The following NOTCH2 variants were observed in gnomAD, a reference collection of about 807,000 sequenced individuals.
NOTCH2 encodes the protein notch receptor 2.
A neutral mutation model predicts 235.8 loss-of-function variants in NOTCH2; 29 were observed. The ratio of observed to expected loss-of-function variants is 0.12; its 90% CI spans 0.09 to 0.17. The LOEUF is 0.17. NOTCH2 is among the 10% of genes least tolerant of loss of function. The pLI is 1.00. For missense variants in NOTCH2, 2,285 were observed against 3,150.2 expected, an observed-to-expected ratio of 0.73 and a Z score of 6.57; for synonymous variants, 1,086 against 1,141.5, an observed-to-expected ratio of 0.95 and a Z score of 0.98.
chr1:119,924,528 T>C (rs1439663840), intron 25 of NOTCH2, among the ~76,000 whole-genome samples: 1 of 152,198 alleles, frequency 6.6e-6, no homozygotes, highest in East Asian at 1.9e-4. Flanking sequence ...AGATATTACT[T>C]GTACAGGCTC....
At chr1:120,001,564 T>A (rs1553205385) in intron 3 of NOTCH2, among the ~76,000 whole-genome samples, 1 of 152,086 alleles carries the variant, frequency 6.6e-6, no homozygotes, top group Non-Finnish European at 1.5e-5. Context: ...AAACCAACAC[T>A]GCACCTTTGA....
rs1553198769 is a variant in NOTCH2 at position 119,959,461 on chromosome 1, G to C, written c.1957C>G (p.Pro653Ala). ...EINFDDCASN[P>A]CIHGICMDGI... ...TCCATACAGATTCCATGGATACAAG[G>C]GTTACTTGCACAGTCATCAAAATTA... The change falls in exon 12 of 34, where the codon CCT (proline) becomes GCT (alanine). Residue 653 changes from proline (P) to alanine (A), a missense_variant. Physicochemically the swap from Pro to Ala is conservative, Grantham distance 27. Around this residue, in one of 6 missense-constraint regions of NOTCH2, gnomAD observed 431 missense variants for 757.8 expected, o/e 0.57. Transcript: ENST00000256646. 6.2e-7 allele frequency: 1 copy of C among 1,610,832 alleles called. No homozygotes were observed. The highest frequency in any genetic ancestry group is 1.7e-5 in the Admixed American group (1 of 60,000).
At position 119,915,682 on chromosome 1, in the gene NOTCH2, C is replaced by T. The variant is rs201993620; in HGVS notation, c.7040G>A (p.Arg2347His). 50 of 1,612,670 alleles carry T rather than the reference C, an allele frequency of 3.1e-5. 1 individual carries two copies. The highest frequency in any genetic ancestry group is 2.9e-4 in the East Asian group (13 of 44,882). Residue 2347 changes from arginine (R) to histidine (H), a missense_variant, in exon 34 of 34, where the codon CGT becomes CAT. Transcript: ENST00000256646. ...AGTGGGGAAAGCCACACTGGGCAAA[C>T]GGGCCATTTCTGGAATCTGGTACAT... is the stretch of plus-strand genomic sequence containing the variant. ...PTMYQIPEMA[R>H]LPSVAFPTAM... is the part of the protein sequence containing the mutation.
intron 3 of NOTCH2, 44 bp from the exon 4 acceptor site, chr1:119,997,376 G>A (rs782198180): frequency 6.4e-7 from 1 of 1,555,806 alleles, no homozygotes; most frequent in African/African-American, 1.4e-5. Context: ...ACAGAAATAG[G>A]AGATGGCCCC....
rs189925618 is a variant in NOTCH2 at position 119,972,621 on chromosome 1, A to T, written c.875-2877T>A. On this transcript the variant is annotated intron_variant, in intron 5 of 33. Transcript: ENST00000256646. ...CAAACTAGGTAAATAAAGGAAAGGA[A>T]ATGTGGCACTCTTGGGAGAGGAAAC... 2.7e-4 allele frequency among the ~76,000 whole-genome samples: 41 copies of T among 152,318 alleles called. 1 individual carries two copies. In the East Asian group the frequency reaches 6.2e-3, roughly 23 times the overall value.
At chr1:119,996,795 C>T (rs1415899779) in intron 4 of NOTCH2, 1 of 813,030 alleles carries the variant, frequency 1.2e-6, no homozygotes, top group Non-Finnish European at 2.2e-6. Flanking sequence ...CATCATAAAC[C>T]CTGACATGCT....
chr1:119,995,380 C>A (rs1652399788), intron 4 of NOTCH2: 1 of 150,858 alleles, frequency 6.6e-6, no homozygotes, highest in African/African-American at 2.4e-5. Context: ...TTATTAAAAG[C>A]AATTTTCTTG....
chr1:120,048,001 C>T (rs1276530731), intron 1 of NOTCH2, among the ~76,000 whole-genome samples: 3 of 151,530 alleles, frequency 2.0e-5, no homozygotes, highest in Non-Finnish European at 4.4e-5. Context: ...CTCCTGATCT[C>T]GTGATCCGCC....
At chr1:120,006,978 G>C (rs1690046) in intron 2 of NOTCH2, among the ~76,000 whole-genome samples, 1 of 152,206 alleles carries the variant, frequency 6.6e-6, no homozygotes, top group Non-Finnish European at 1.5e-5. Context: ...AGAATTGTGC[G>C]GTAGCTAAAA....
In NOTCH2 at chr1:119,955,105, G is replaced by A. The variant is rs2101124478; in HGVS notation, c.2154C>T (p.Tyr718=). The change falls in exon 13 of 34, where the codon TAC becomes TAT. Residue 718 remains tyrosine (Y), a synonymous_variant. Coordinates refer to ENST00000256646, the MANE Select transcript of NOTCH2 (RefSeq NM_024408.4). The part of the protein sequence containing the change: ...CPEGPHHPSC[Y]SQVNECLSNP... ...TGCTCAGGCATTCGTTCACCTGTGA[G>A]TAGCAGCTGGGGTGATGGGGTCCCT... is the stretch of plus-strand genomic sequence containing the variant. 1 of 1,614,148 alleles carries A rather than the reference G, an allele frequency of 6.2e-7. No individual in the cohort carries two copies. Among genetic ancestry groups the A allele is most frequent in the East Asian group, 2.2e-5 (1 of 44,884 alleles).
intron 11 of NOTCH2, among the ~76,000 whole-genome samples, chr1:119,960,897 C>T (rs1383746588): frequency 1.3e-5 from 2 of 152,018 alleles, no homozygotes; most frequent in Admixed American, 6.6e-5. Flanking sequence ...AACTCCCAGG[C>T]GCAAGCAATC....
chr1:119,989,590 T>C (rs1652152494), intron 4 of NOTCH2, among the ~76,000 whole-genome samples: 1 of 151,734 alleles, frequency 6.6e-6, no homozygotes, highest in Non-Finnish European at 1.5e-5. Context: ...AAGAGACTTG[T>C]ATTTAGGATA....
intron 2 of NOTCH2, among the ~76,000 whole-genome samples, chr1:120,029,464 C>A (rs1184100686): frequency 6.6e-6 from 1 of 151,494 alleles, no homozygotes; most frequent in Admixed American, 6.6e-5. Context: ...CACTCTCCTG[C>A]CTCAGCCTCC....
rs6692009 is a variant in NOTCH2, at chr1:119,925,511, C to T, written c.4305G>A (p.Arg1435=). The change falls in exon 25 of 34, where the codon CGG becomes CGA. Residue 1435 remains arginine (R), a synonymous_variant. Transcript: ENST00000256646. ...CLSQYCADKA[R]DGVCDEACNS... is the part of the protein sequence containing the mutation. ...TGCAGGCCTCATCACAGACGCCATC[C>T]CGAGCTTTGTCGGCACAATACTGGC... 19,765 of 1,614,144 alleles carry T rather than the reference C, an allele frequency of 0.012. 1,174 individuals are homozygous for T. The highest frequency in any genetic ancestry group is 0.12 in the Admixed American group (7,148 of 60,016).
intron 5 of NOTCH2, among the ~76,000 whole-genome samples, chr1:119,981,601 C>T (rs942146777): frequency 1.3e-5 from 2 of 152,102 alleles, no homozygotes. Context: ...AAAGATCCTG[C>T]CTGCAGTCTC....
chr1:120,064,099 G>A (rs1307935711), intron 1 of NOTCH2, among the ~76,000 whole-genome samples: 2 of 151,880 alleles, frequency 1.3e-5, no homozygotes, highest in African/African-American at 4.8e-5. Flanking sequence ...ACAAATTTCT[G>A]AGTAGATGTC....
intron 29 of NOTCH2, 58 bp from the exon 30 acceptor site, chr1:119,920,455 A>C: frequency 6.3e-7 from 1 of 1,589,664 alleles, no homozygotes; most frequent in South Asian, 1.1e-5. Flanking sequence ...ACTGCTAATC[A>C]GAAGGTGTCC....
chr1:120,004,605 A>G (rs1553205998), intron 3 of NOTCH2, among the ~76,000 whole-genome samples: 1 of 150,364 alleles, frequency 6.7e-6, no homozygotes, highest in Admixed American at 6.6e-5. Context: ...AGAACAAGGT[A>G]ATGAAGAAGC....
At chr1:119,948,348 G>C in intron 17 of NOTCH2, 66 bp downstream of exon 17, 3 of 1,589,202 alleles carry the variant, frequency 1.9e-6, no homozygotes, top group Non-Finnish European at 2.6e-6. Context: ...CCTCCACTGG[G>C]CTCTCCTCTG....
Sources: gnomAD v4.1 joint callset for allele counts (sites outside exome capture counted in the v4.1 genomes callset) on GRCh38, gnomAD v4.1.1 for gene constraint, gnomAD v4.1.1 regional missense constraint, MANE v1.5 for transcripts, NCBI Gene and HGNC (gene_info 2026-07-23, HGNC 2026-07-21) for gene names.